The following TRPA1 variants were observed in gnomAD, a reference collection of about 807,000 sequenced individuals.
TRPA1 encodes ankyrin-like with transmembrane domains 1.
In TRPA1, 129 loss-of-function variants were observed where a neutral mutation model predicts 131.3. The observed-to-expected ratio is 0.98, with a 90% confidence interval of 0.85 to 1.14. The LOEUF (loss-of-function observed/expected upper bound fraction) is 1.14. Among genes scored for constraint, TRPA1 ranks in the 50% most tolerant of loss-of-function variants. The probability of loss-of-function intolerance (pLI) is 0.00; values close to 1 mark genes in which losing one functional copy is unlikely to be tolerated. For missense variants in TRPA1, 1,304 were observed against 1,354.2 expected (o/e 0.96, Z 0.58); for synonymous variants, 441 against 451.7 (o/e 0.98, Z 0.30).
At chr8:72,083,746 A>T in the TRPA1 span, among the ~76,000 whole-genome samples, 1 of 151,440 alleles carries the variant, frequency 6.6e-6, no homozygotes, top group African/African-American at 2.5e-5. Flanking sequence ...ATCTCAAAAA[A>T]CAAAAACAAA....
At chr8:72,033,262 GCTT>G (rs1811900924) in intron 23 of TRPA1, among the ~76,000 whole-genome samples, 1 of 152,118 alleles carries the variant, frequency 6.6e-6, no homozygotes, top group South Asian at 2.1e-4. Context: ...GCCTTTCCCT[GCTT>G]CTTATTTCTT....
chr8:72,074,198 A>C (rs1472887660), intron 1 of TRPA1, among the ~76,000 whole-genome samples: 1 of 152,240 alleles, frequency 6.6e-6, no homozygotes, highest in Non-Finnish European at 1.5e-5. Flanking sequence ...ACAGCAAAAC[A>C]AAACAAACAC....
chr8:72,068,985 C>T (rs750331570), intron 3 of TRPA1, 38 bp downstream of exon 3: 57 of 1,612,700 alleles, frequency 3.5e-5, no homozygotes, highest in Admixed American at 8.3e-5. Flanking sequence ...GCACCTGCAC[C>T]GCCGGTCAGG....
At chr8:72,056,530 G>C (rs1035256759) in intron 10 of TRPA1, among the ~76,000 whole-genome samples, 1 of 152,044 alleles carries the variant, frequency 6.6e-6, no homozygotes, top group African/African-American at 2.4e-5. Flanking sequence ...AGTCAAGTAT[G>C]CTGAGTAATT....
intron 7 of TRPA1, among the ~76,000 whole-genome samples, chr8:72,059,732 G>A (rs148470782): frequency 1.6e-3 from 245 of 152,220 alleles, no homozygotes; most frequent in African/African-American, 5.5e-3. Context: ...GAGTAGTAAC[G>A]TCTGTCCCAA....
the TRPA1 span, among the ~76,000 whole-genome samples, chr8:72,089,154 T>C: frequency 6.6e-6 from 1 of 152,180 alleles, no homozygotes; most frequent in Non-Finnish European, 1.5e-5. Context: ...ATCTTTCTGT[T>C]GTGAATTTTT....
the TRPA1 span, among the ~76,000 whole-genome samples, chr8:72,083,964 G>GT: frequency 6.6e-6 from 1 of 152,000 alleles, no homozygotes; most frequent in Non-Finnish European, 1.5e-5. Context: ...TGTTCAGTGA[G>GT]TCGAAAGCTG....
chr8:72,034,224 C>A, intron 22 of TRPA1, 24 bp downstream of exon 22: 1 of 1,590,978 alleles, frequency 6.3e-7, no homozygotes, highest in South Asian at 1.2e-5. Context: ...GCGACAAAAT[C>A]AACTACTGAT....
chr8:72,059,766 T>A (rs1024488731), intron 7 of TRPA1, among the ~76,000 whole-genome samples: 1 of 152,198 alleles, frequency 6.6e-6, no homozygotes, highest in African/African-American at 2.4e-5. Context: ...AGGAAATCAC[T>A]GGTATTGCTA....
chr8:72,062,724 A>G (rs1455261104), intron 6 of TRPA1, 75 bp downstream of exon 6: 15 of 1,426,798 alleles, frequency 1.1e-5, no homozygotes, highest in Admixed American at 6.7e-5. Flanking sequence ...AATTAACTGT[A>G]AAAGAGCTAT....
At chr8:72,075,859 AGTGTGTGTGTGTGTGTGTGTGTGTGTGT>A (rs61575164), upstream of TRPA1, among the ~76,000 whole-genome samples, 2 of 135,032 alleles carry the variant, frequency 1.5e-5, no homozygotes, top group Non-Finnish European at 3.2e-5. Flanking sequence ...CTTGCATGTG[AGTGTGTGTGTGTGTGTGTGTGTGTGTGT>A]GTGTGTGTGT....
At chr8:72,030,911 C>G (rs1811790304) in intron 23 of TRPA1, among the ~76,000 whole-genome samples, 1 of 152,204 alleles carries the variant, frequency 6.6e-6, no homozygotes, top group Non-Finnish European at 1.5e-5. Flanking sequence ...TAGCTCATTT[C>G]ACTCATCCAT....
intron 24 of TRPA1, among the ~76,000 whole-genome samples, chr8:72,026,559 G>T (rs1811617314): frequency 6.6e-6 from 1 of 152,120 alleles, no homozygotes; most frequent in African/African-American, 2.4e-5. Flanking sequence ...GGAAGACAAA[G>T]GTAAGCAGTA....
chr8:72,043,621 A>G (rs906599214), intron 17 of TRPA1, among the ~76,000 whole-genome samples: 3 of 151,760 alleles, frequency 2.0e-5, no homozygotes, highest in Non-Finnish European at 4.4e-5. Flanking sequence ...TTTTCTCCCT[A>G]TCTTTCCATC....
At chr8:72,084,197 C>A in the TRPA1 span, among the ~76,000 whole-genome samples, 1 of 152,148 alleles carries the variant, frequency 6.6e-6, no homozygotes, top group South Asian at 2.1e-4. Flanking sequence ...TAGGGCTCAG[C>A]ATTTGACTGT....
the TRPA1 span, among the ~76,000 whole-genome samples, chr8:72,089,503 A>G: frequency 6.6e-6 from 1 of 152,078 alleles, no homozygotes; most frequent in Admixed American, 6.5e-5. Flanking sequence ...AAAATATTTT[A>G]TTGTATTTAT....
In TRPA1 at chr8:72,022,989, T is replaced by G; in HGVS notation, c.3277A>C (p.Lys1093Gln). Reference protein sequence around the residue: ...SHCSFQDRFKKEQMEQRNSRW... With the variant: ...SHCSFQDRFKQEQMEQRNSRW... The stretch of plus-strand genomic sequence containing the variant: ...CTATTCCTTTGTTCCATCTGCTCTT[T>G]CTTAAACCTGTCTTGAAAAGAACAA... Residue 1093 changes from lysine to glutamine, a missense_variant, in exon 27 of 27, where the codon AAA becomes CAA. Lys to Gln is a moderately conservative substitution (Grantham distance 53). Coordinates refer to ENST00000262209, the MANE Select transcript of TRPA1 (RefSeq NM_007332.3). The G allele has an allele frequency of 6.2e-7, 1 of 1,613,902 alleles. No individual in the cohort carries two copies. Among genetic ancestry groups the G allele is most frequent in the Non-Finnish European group, 8.5e-7 (1 of 1,179,870 alleles).
the TRPA1 span, among the ~76,000 whole-genome samples, chr8:72,085,661 T>G: frequency 6.6e-6 from 1 of 152,090 alleles, no homozygotes; most frequent in Non-Finnish European, 1.5e-5. Context: ...CCTTTAGATG[T>G]GTTGCATGCA....
At chr8:72,047,269 TA>T in intron 15 of TRPA1, 62 bp from the exon 16 acceptor site, 1 of 1,243,146 alleles carries the variant, frequency 8.0e-7, no homozygotes, top group Non-Finnish European at 1.2e-6. Context: ...GGAAAGATTT[TA>T]TCCTATTTCT....
Sources: allele counts gnomAD v4.1 joint callset (sites outside exome capture counted in the v4.1 genomes callset), GRCh38; gene constraint gnomAD v4.1.1; transcripts MANE v1.5; gene names NCBI Gene and HGNC (gene_info 2026-07-23, HGNC 2026-07-21).